The following FABP12 variants were observed in gnomAD, a reference collection of about 807,000 sequenced individuals.
FABP12 encodes the protein fatty acid binding protein 12, also known as fatty acid-binding protein 12.
FABP12 carries 19 observed loss-of-function variants against 13.7 expected under a neutral mutation model. That is an observed-to-expected ratio of 1.39 (90% CI 0.97 to 2.04). The LOEUF is 2.04. Ranked by LOEUF, FABP12 falls within the 30% of genes most tolerant of loss-of-function variation. The pLI is 0.00. For missense variants in FABP12, 182 were observed against 164.2 expected, an observed-to-expected ratio of 1.11 and a Z score of -0.59; for synonymous variants, 61 against 57.0, an observed-to-expected ratio of 1.07 and a Z score of -0.32.
At chr8:81,557,773 G>A (rs1049462484) in intron 1 of FABP12, among the ~76,000 whole-genome samples, 2 of 152,110 alleles carry the variant, frequency 1.3e-5, no homozygotes, top group African/African-American at 4.8e-5. Context: ...CATTTTCTTA[G>A]CAGAAGGATA....
chr8:81,585,075 C>T (rs1413436045), intron 1 of FABP12, among the ~76,000 whole-genome samples: 4 of 152,156 alleles, frequency 2.6e-5, no homozygotes, highest in Admixed American at 2.6e-4. Flanking sequence ...TGTGCAGAAG[C>T]TTTTCAGTTT....
At chr8:81,547,866 G>A (rs1809460136) in intron 1 of FABP12, among the ~76,000 whole-genome samples, 1 of 152,168 alleles carries the variant, frequency 6.6e-6, no homozygotes, top group South Asian at 2.1e-4. Flanking sequence ...CATCATTATT[G>A]ATATAGGTAT....
At chr8:81,539,433 CTTTTTTTTTTTTTT>C (rs35386904) in intron 2 of FABP12, among the ~76,000 whole-genome samples, 132 of 50,038 alleles carry the variant, frequency 2.6e-3, no homozygotes, top group East Asian at 8.8e-3. Context: ...TTCTTTAGTT[CTTTTTTTTTTTTTT>C]TTTTTTTTTT....
At chr8:81,578,831 T>C (rs1810103259) in intron 1 of FABP12, among the ~76,000 whole-genome samples, 2 of 139,178 alleles carry the variant, frequency 1.4e-5, no homozygotes, top group Non-Finnish European at 3.1e-5. Context: ...AAGTTTTTTT[T>C]TTTTTTTTTT....
chr8:81,551,553 A>C (rs993499883), intron 1 of FABP12, among the ~76,000 whole-genome samples: 3 of 152,150 alleles, frequency 2.0e-5, no homozygotes, highest in Non-Finnish European at 4.4e-5. Flanking sequence ...AATATGAAAA[A>C]CTATGTGTGG....
upstream of FABP12, among the ~76,000 whole-genome samples, chr8:81,537,134 T>A (rs985938269): frequency 1.3e-5 from 2 of 152,036 alleles, no homozygotes; most frequent in African/African-American, 4.8e-5. Flanking sequence ...AACAGAAAAA[T>A]TAATATAAGG....
chr8:81,530,326 A>G (rs576157666), intron 2 of FABP12, among the ~76,000 whole-genome samples: 1 of 152,308 alleles, frequency 6.6e-6, no homozygotes, highest in South Asian at 2.1e-4. Flanking sequence ...TTTTCATAGT[A>G]CATAATATTC....
chr8:81,568,949 T>A (rs540353521), intron 1 of FABP12, among the ~76,000 whole-genome samples: 16 of 152,226 alleles, frequency 1.1e-4, no homozygotes, highest in African/African-American at 3.9e-4. Context: ...GTATGATAGT[T>A]CCCAAAGGCT....
chr8:81,543,261 A>G (rs1809381929), intron 1 of FABP12, among the ~76,000 whole-genome samples: 1 of 152,180 alleles, frequency 6.6e-6, no homozygotes, highest in South Asian at 2.1e-4. Context: ...TATTAACATC[A>G]ACTGTGAAAT....
upstream of FABP12, among the ~76,000 whole-genome samples, chr8:81,537,881 T>A (rs556074016): frequency 1.3e-5 from 2 of 152,316 alleles, no homozygotes; most frequent in Admixed American, 6.5e-5. Context: ...AACTTTTTTT[T>A]AATAGTGTTG....
At chr8:81,554,659 C>T (rs1316342100) in intron 1 of FABP12, among the ~76,000 whole-genome samples, 4 of 152,096 alleles carry the variant, frequency 2.6e-5, no homozygotes, top group Non-Finnish European at 4.4e-5. Flanking sequence ...GCCAAGTCAC[C>T]GGCTGAGGGG....
chr8:81,568,827 G>A (rs1219678177), intron 1 of FABP12, among the ~76,000 whole-genome samples: 1 of 152,160 alleles, frequency 6.6e-6, no homozygotes, highest in Non-Finnish European at 1.5e-5. Flanking sequence ...TGGAAGTAGA[G>A]TACATTATGT....
intron 1 of FABP12, among the ~76,000 whole-genome samples, chr8:81,568,969 G>T (rs1014945673): frequency 3.3e-5 from 5 of 152,168 alleles, no homozygotes; most frequent in African/African-American, 1.2e-4. Context: ...TAAGAAGGGT[G>T]GTGGTGGATG....
At chr8:81,538,306 C>G (rs1416550582), upstream of FABP12, among the ~76,000 whole-genome samples, 1 of 152,154 alleles carries the variant, frequency 6.6e-6, no homozygotes, top group Admixed American at 6.5e-5. Flanking sequence ...GGTGTAAGCA[C>G]CCAAACTATG....
At chr8:81,533,337 C>G (rs1809131857) in intron 1 of FABP12, 1 of 152,164 alleles carries the variant, frequency 6.6e-6, no homozygotes, top group African/African-American at 2.4e-5. Flanking sequence ...AATACAAGAG[C>G]CAAAAATCTT....
intron 1 of FABP12, among the ~76,000 whole-genome samples, chr8:81,563,005 C>G (rs1233320653): frequency 3.3e-5 from 5 of 152,166 alleles, no homozygotes; most frequent in Non-Finnish European, 7.4e-5. Context: ...TAGGTCAGAC[C>G]CAGCACAGAC....
At chr8:81,580,808 T>C (rs1366835875) in intron 1 of FABP12, among the ~76,000 whole-genome samples, 1 of 132,580 alleles carries the variant, frequency 7.5e-6, no homozygotes, top group Non-Finnish European at 1.6e-5. Context: ...TTTCTACCCA[T>C]ATTTTTGTTC....
rs111782735 is a variant in FABP12 at position 81,553,460 on chromosome 8, G to A, written c.-184-13717C>T. The stretch of plus-strand genomic sequence containing the variant: ...ACCAATTTATACTATATTTTCACTT[G>A]ATATGGTAAAGTCATAGTCACAGAC... On this transcript the variant is annotated intron_variant, in intron 1 of 5. Transcript: ENST00000692030. Among the ~76,000 whole-genome samples, 506 of 152,172 alleles carry A rather than the reference G, an allele frequency of 3.3e-3. 3 individuals carry two copies. In the Middle Eastern group the frequency reaches 0.051, roughly 15 times the overall value.
At chr8:81,556,421 G>A (rs1478223553) in intron 1 of FABP12, among the ~76,000 whole-genome samples, 1 of 152,124 alleles carries the variant, frequency 6.6e-6, no homozygotes, top group African/African-American at 2.4e-5. Context: ...CATTACCATG[G>A]TGGCTTTTTC....
Sources: allele counts gnomAD v4.1 joint callset (sites outside exome capture counted in the v4.1 genomes callset), GRCh38; gene constraint gnomAD v4.1.1; transcripts MANE v1.5; gene names NCBI Gene and HGNC (gene_info 2026-07-23, HGNC 2026-07-21).